The following AGO1 variants were observed in gnomAD, a reference collection of about 807,000 sequenced individuals.
AGO1 encodes the protein argonaute RISC component 1, also known as protein argonaute-1.
A neutral mutation model predicts 109.2 loss-of-function variants in AGO1; 11 were observed. The observed-to-expected ratio is 0.10, with a 90% CI of 0.06 to 0.17. AGO1 has a LOEUF of 0.17. Among genes scored for constraint, AGO1 ranks in the 10% least tolerant of loss-of-function variants. The pLI, the probability that AGO1 is intolerant of heterozygous loss-of-function variation, is 1.00. For missense variants in AGO1, 574 were observed against 1,140.3 expected, an observed-to-expected ratio of 0.50 and a Z score of 7.15; for synonymous variants, 422 against 418.6, an observed-to-expected ratio of 1.01 and a Z score of -0.10.
chr1:35,878,606 A>G (rs908693238), upstream of AGO1, among the ~76,000 whole-genome samples: 1 of 152,134 alleles, frequency 6.6e-6, no homozygotes, highest in African/African-American at 2.4e-5. Flanking sequence ...TGGAGTAGCA[A>G]ATGTCCAATA....
Position 35,921,701 on chromosome 1 carries a change from A to C in AGO1, c.*2094A>C, listed in dbSNP as rs948854920. 6.6e-6 allele frequency: 1 copy of C among 152,666 alleles called. No homozygotes were observed. Among genetic ancestry groups the C allele is most frequent in the African/African-American group, 2.4e-5 (1 of 41,438 alleles). 9.5% of individuals were successfully genotyped at this position (152,666 alleles called of 1,614,324 possible). A position where few individuals can be genotyped will look rare whatever the true frequency, so the allele number is the denominator to read the frequency against. ...TTCTGGTTGGCTACATTGTTCAGCA[A>C]CTCACAAAACGTAGCACAAACATTC... On this transcript the variant is annotated 3_prime_UTR_variant, in exon 19 of 19. Transcript: ENST00000373204.
intron 11 of AGO1, among the ~76,000 whole-genome samples, chr1:35,906,087 G>C (rs999856596): frequency 1.3e-5 from 2 of 152,086 alleles, no homozygotes; most frequent in Non-Finnish European, 2.9e-5. Context: ...TCTTTATGTA[G>C]CTTGATTTTT....
In AGO1 at chr1:35,913,830, C is replaced by T. The variant is rs115897935; in HGVS notation, c.1583-12C>T. ...TGTTGAATGCACTAATCATTTCTCT[C>T]CCTGCCCTTAGCTGAGGTGAAACGT... is the stretch of plus-strand genomic sequence containing the variant. On this transcript the variant is annotated splice_polypyrimidine_tract_variant and intron_variant, in intron 12 of 18. Coordinates refer to ENST00000373204, the MANE Select transcript of AGO1 (RefSeq NM_012199.5). 1 of 1,612,986 alleles carries T rather than the reference C, an allele frequency of 6.2e-7. No homozygotes were observed. Among genetic ancestry groups the T allele is most frequent in the Non-Finnish European group, 8.5e-7 (1 of 1,179,372 alleles).
chr1:35,897,040 A>G (rs1235624082), intron 8 of AGO1, among the ~76,000 whole-genome samples: 1 of 152,236 alleles, frequency 6.6e-6, no homozygotes, highest in Non-Finnish European at 1.5e-5. Context: ...AGCTCCTACT[A>G]TGTGTCATAT....
chr1:35,926,832 A>G lies in AGO1; in HGVS notation c.*7225A>G, dbSNP rs951009828. The stretch of plus-strand genomic sequence containing the variant: ...ACAACTGCCTTCTCCAGTATATCAT[A>G]CCAAGGTTTTTTAGGCCTTTGTGGC... On this transcript the variant is annotated 3_prime_UTR_variant, in exon 19 of 19. Coordinates refer to ENST00000373204, the MANE Select transcript of AGO1 (RefSeq NM_012199.5). 1 of 152,070 alleles carries G rather than the reference A, an allele frequency of 6.6e-6. No individual in the cohort carries two copies. Among genetic ancestry groups the G allele is most frequent in the African/African-American group, 2.4e-5 (1 of 41,394 alleles). 9.4% of individuals were successfully genotyped at this position (152,070 alleles called of 1,614,324 possible).
At chr1:35,907,643 G>C (rs1001580471) in intron 12 of AGO1, among the ~76,000 whole-genome samples, 2 of 151,962 alleles carry the variant, frequency 1.3e-5, no homozygotes, top group Admixed American at 6.6e-5. Flanking sequence ...CATCTCTCCT[G>C]CTTCAAAGCA....
chr1:35,917,870 G>T, intron 16 of AGO1, 143 bp downstream of exon 16: 1 of 1,213,076 alleles, frequency 8.2e-7, no homozygotes, highest in Non-Finnish European at 1.1e-6. Context: ...AGCTCTTGTG[G>T]TCCTTCCTCT....
chr1:35,894,726 G>A (rs770920103), intron 7 of AGO1, among the ~76,000 whole-genome samples: 1 of 152,148 alleles, frequency 6.6e-6, no homozygotes, highest in Non-Finnish European at 1.5e-5. Flanking sequence ...AAAAGAAAGC[G>A]AGGCTCCTGG....
chr1:35,914,512 T>C (rs1645699725), intron 14 of AGO1, among the ~76,000 whole-genome samples: 1 of 152,228 alleles, frequency 6.6e-6, no homozygotes, highest in African/African-American at 2.4e-5. Flanking sequence ...GCATCACTCT[T>C]GCTCTGCATT....
chr1:35,922,691 G>T lies in AGO1; in HGVS notation c.*3084G>T, dbSNP rs1489203442. 1 of 152,362 alleles carries T rather than the reference G, an allele frequency of 6.6e-6. No homozygotes were observed. Among genetic ancestry groups the T allele is most frequent in the East Asian group, 1.9e-4 (1 of 5,198 alleles). The allele number at this position is 152,362 out of a possible 1,614,324, so 9.4% of individuals were successfully genotyped here. A position where few individuals can be genotyped will look rare whatever the true frequency, so the allele number is the denominator to read the frequency against. ...CAATGATCCCACTGTTAGCTGGCAG[G>T]GTCAGGCTTAGCTCCTTGACTGCAG... On this transcript the variant is annotated 3_prime_UTR_variant, in exon 19 of 19. Transcript: ENST00000373204.
chr1:35,926,613 G>A lies in AGO1; in HGVS notation c.*7006G>A, dbSNP rs1218947869. On this transcript the variant is annotated 3_prime_UTR_variant, in exon 19 of 19. Transcript: ENST00000373204. ...CTGAATGGGAAGTAATGTCGAATTG[G>A]AAAATTAGCTCACCATTTTTGTTCT... The A allele has an allele frequency of 6.6e-6, 1 of 152,178 alleles. No individual in the cohort carries two copies. Among genetic ancestry groups the A allele is most frequent in the Non-Finnish European group, 1.5e-5 (1 of 68,028 alleles). The allele number at this position is 152,178 out of a possible 1,614,324, so 9.4% of individuals were successfully genotyped here.
Position 35,895,289 on chromosome 1 carries a change from G to C in AGO1, c.1020+20G>C, listed in dbSNP as rs1557608343. On this transcript the variant is annotated intron_variant, in intron 8 of 18. Coordinates refer to ENST00000373204, the MANE Select transcript of AGO1 (RefSeq NM_012199.5). Reference sequence around the variant, plus strand: ...CTAGAGGTGAGATTGCCAAGTAATGGCTGGGGAATAGGCATTGTATATACC... The same window carrying C: ...CTAGAGGTGAGATTGCCAAGTAATGCCTGGGGAATAGGCATTGTATATACC... 6.2e-7 allele frequency: 1 copy of C among 1,608,446 alleles called. No homozygotes were observed. The highest frequency in any genetic ancestry group is 8.5e-7 in the Non-Finnish European group (1 of 1,176,860).
chr1:35,882,959 GA>G, upstream of AGO1: 1 of 963,770 alleles, frequency 1.0e-6, no homozygotes, highest in Non-Finnish European at 1.2e-6. The surrounding 1 kb of genome is among the most constrained non-coding windows in gnomAD (Gnocchi z 5.1). Flanking sequence ...CCTATTTGGG[GA>G]AAAGACACAG....
intron 1 of AGO1, among the ~76,000 whole-genome samples, chr1:35,876,263 T>A (rs1266591624): frequency 6.6e-6 from 1 of 151,608 alleles, no homozygotes; most frequent in Admixed American, 6.6e-5. Context: ...TTTTTTTGTT[T>A]GTTTTTTGTT....
At chr1:35,909,747 C>A (rs916399858) in intron 12 of AGO1, among the ~76,000 whole-genome samples, 2 of 152,132 alleles carry the variant, frequency 1.3e-5, no homozygotes, top group African/African-American at 2.4e-5. Flanking sequence ...TCTATATACA[C>A]ACCTAAGGTA....
intron 3 of AGO1, 102 bp from the exon 4 acceptor site, chr1:35,892,995 C>T: frequency 1.7e-6 from 2 of 1,188,098 alleles, no homozygotes; most frequent in Non-Finnish European, 2.4e-6. Context: ...ATTATGAGCC[C>T]CTATCAACTT....
chr1:35,919,806 T>C lies in AGO1; in HGVS notation c.*199T>C. On this transcript the variant is annotated 3_prime_UTR_variant, in exon 19 of 19. Coordinates refer to ENST00000373204, the MANE Select transcript of AGO1 (RefSeq NM_012199.5). The surrounding 1 kb of genome is among the most constrained non-coding windows in gnomAD (Gnocchi z 6.6). ...GACCACCAGCCAGAAATCTCTGATA[T>C]CAACCTCATGTCCCCCACCCCTCAC... The C allele has an allele frequency of 1.7e-6, 1 of 575,436 alleles. No individual in the cohort carries two copies. Among genetic ancestry groups the C allele is most frequent in the Non-Finnish European group, 3.1e-6 (1 of 324,396 alleles). 35.6% of individuals were successfully genotyped at this position (575,436 alleles called of 1,614,324 possible). A position where few individuals can be genotyped will look rare whatever the true frequency, so the allele number is the denominator to read the frequency against.
chr1:35,901,894 G>A lies in AGO1; in HGVS notation c.1141-54G>A. ...GTTCTCTCCTTGATACCCAGAGGGT[G>A]AGCAGTATTGCCAAGCTCCTGTTCT... is the stretch of plus-strand genomic sequence containing the variant. On this transcript the variant is annotated intron_variant, in intron 9 of 18. Coordinates refer to ENST00000373204, the MANE Select transcript of AGO1 (RefSeq NM_012199.5). This position sits in a 1 kb window ranked among gnomAD's most constrained non-coding sequence, Gnocchi z 4.8. The A allele has an allele frequency of 6.5e-7, 1 of 1,537,932 alleles. No individual in the cohort carries two copies. Among genetic ancestry groups the A allele is most frequent in the Non-Finnish European group, 8.7e-7 (1 of 1,143,192 alleles).
chr1:35,915,121 C>T (rs1373959806), intron 14 of AGO1, among the ~76,000 whole-genome samples: 1 of 152,008 alleles, frequency 6.6e-6, no homozygotes, highest in Non-Finnish European at 1.5e-5. Context: ...ACCCCAGTAG[C>T]GCTGCAAGCA....
Sources: allele counts gnomAD v4.1 joint callset (sites outside exome capture counted in the v4.1 genomes callset), GRCh38; gene constraint gnomAD v4.1.1; non-coding constraint Gnocchi (gnomAD v3.1); transcripts MANE v1.5; gene names NCBI Gene and HGNC (gene_info 2026-07-23, HGNC 2026-07-21).